GABRB1: variants seen among roughly 807,000 people sequenced by gnomAD.
The protein encoded by GABRB1 is gamma-aminobutyric acid receptor subunit beta-1.
A neutral mutation model predicts 51.6 loss-of-function variants in GABRB1; 17 were observed. That is an observed-to-expected ratio of 0.33 (90% CI 0.23 to 0.49). The LOEUF (loss-of-function observed/expected upper bound fraction) is 0.49. GABRB1 is among the 20% of genes least tolerant of loss of function. The pLI, the probability that GABRB1 is intolerant of heterozygous loss-of-function variation, is 0.99. For missense variants in GABRB1, 410 were observed against 600.6 expected (o/e 0.68, Z 3.32); for synonymous variants, 247 against 218.9 (o/e 1.13, Z -1.14).
At chr4:47,422,358 TC>T (rs1018798053) in intron 8 of GABRB1, among the ~76,000 whole-genome samples, 1 of 152,170 alleles carries the variant, frequency 6.6e-6, no homozygotes, top group African/African-American at 2.4e-5. Context: ...TTTCTTTTCT[TC>T]CTTTGACCTG....
At chr4:47,195,937 C>T (rs1719666239) in intron 4 of GABRB1, among the ~76,000 whole-genome samples, 1 of 152,192 alleles carries the variant, frequency 6.6e-6, no homozygotes, top group Non-Finnish European at 1.5e-5. Flanking sequence ...AACACTGTTT[C>T]TGTGATATAG....
chr4:47,004,110 T>C (rs1724311835), intron 1 of GABRB1, among the ~76,000 whole-genome samples: 1 of 152,090 alleles, frequency 6.6e-6, no homozygotes, highest in South Asian at 2.1e-4. Context: ...TGCCTCAGCC[T>C]CCCGAGTAGC....
intron 3 of GABRB1, among the ~76,000 whole-genome samples, chr4:47,033,660 G>A (rs1045367600): frequency 3.3e-5 from 5 of 151,990 alleles, no homozygotes; most frequent in African/African-American, 1.2e-4. Flanking sequence ...TATGGTTTAA[G>A]AATTCTTTTC....
chr4:47,297,283 G>C (rs1490976278), intron 4 of GABRB1, among the ~76,000 whole-genome samples: 1 of 79,360 alleles, frequency 1.3e-5, no homozygotes, highest in Non-Finnish European at 2.4e-5. Flanking sequence ...AGGAAATAGA[G>C]ACACAAAAAC....
rs3213919 is a variant in GABRB1, at chr4:47,095,348, A to G, written c.240+62864A>G. Among the ~76,000 whole-genome samples, 203 of 152,154 alleles carry G rather than the reference A, an allele frequency of 1.3e-3. 5 individuals carry two copies. In the East Asian group the frequency reaches 0.037, roughly 28 times the overall value. On this transcript the variant is annotated intron_variant, in intron 3 of 8. Transcript: ENST00000295454. ...AAGAGCAACAGTAGTCTGTGGGTGC[A>G]GCAATACGTGAATGATACTGCAGTG...
At chr4:47,407,021 A>C (rs1191078454) in intron 8 of GABRB1, 95 bp downstream of exon 8, 2 of 1,204,738 alleles carry the variant, frequency 1.7e-6, no homozygotes, top group Non-Finnish European at 2.3e-6. Flanking sequence ...TAATAAAAAA[A>C]TAGTTGATAT....
intron 5 of GABRB1, among the ~76,000 whole-genome samples, chr4:47,361,878 G>A (rs962563567): frequency 6.6e-6 from 1 of 152,088 alleles, no homozygotes; most frequent in South Asian, 2.1e-4. Flanking sequence ...TTGTCAAGTG[G>A]GCAGTGAGGC....
chr4:47,340,549 C>A (rs947321138), intron 5 of GABRB1, among the ~76,000 whole-genome samples: 1 of 152,112 alleles, frequency 6.6e-6, no homozygotes, highest in African/African-American at 2.4e-5. Flanking sequence ...CACAGACAGG[C>A]ATCTTTTCAC....
intron 8 of GABRB1, among the ~76,000 whole-genome samples, chr4:47,419,590 A>G (rs1578159461): frequency 6.6e-6 from 1 of 152,330 alleles, no homozygotes; most frequent in East Asian, 1.9e-4. Context: ...CTGTAACATC[A>G]AGAGGCTTTA....
intron 8 of GABRB1, among the ~76,000 whole-genome samples, chr4:47,425,332 T>C (rs1160319615): frequency 6.6e-6 from 1 of 151,432 alleles, no homozygotes; most frequent in East Asian, 1.9e-4. Flanking sequence ...TATTTTGTGT[T>C]TCTAGCTTTG....
At chr4:47,376,368 C>G (rs959859531) in intron 5 of GABRB1, among the ~76,000 whole-genome samples, 4 of 152,188 alleles carry the variant, frequency 2.6e-5, no homozygotes, top group Admixed American at 2.0e-4. Flanking sequence ...ATAGATGGGC[C>G]GGGCGCAGTG....
chr4:47,273,171 G>T (rs1015323553), intron 4 of GABRB1, among the ~76,000 whole-genome samples: 1 of 152,120 alleles, frequency 6.6e-6, no homozygotes, highest in African/African-American at 2.4e-5. Context: ...TAATTTCTGT[G>T]CTGTATTCTT....
chr4:47,082,632 C>T (rs1727896199), intron 3 of GABRB1, among the ~76,000 whole-genome samples: 1 of 152,042 alleles, frequency 6.6e-6, no homozygotes, highest in African/African-American at 2.4e-5. Flanking sequence ...TCTATGGTCT[C>T]ACAAATCTCC....
At chr4:47,178,371 G>C (rs1718790242) in intron 4 of GABRB1, among the ~76,000 whole-genome samples, 1 of 152,078 alleles carries the variant, frequency 6.6e-6, no homozygotes, top group South Asian at 2.1e-4. Context: ...GGTCCTTATA[G>C]AATCCTTTGC....
rs113712076 is a variant in GABRB1, at chr4:47,233,574, G to T, written c.461+72105G>T. Among the ~76,000 whole-genome samples the T allele has an allele frequency of 1.5e-3, 226 of 152,186 alleles. 1 individual carries two copies. The highest frequency in any genetic ancestry group is 5.1e-3 in the African/African-American group (212 of 41,544). On this transcript the variant is annotated intron_variant, in intron 4 of 8. Transcript: ENST00000295454. Reference sequence around the variant, plus strand: ...GTATTTTGTTATTATTTGAAGAATGGTTAGTTGCTCCTAATTCAAGCTTTT... The same window carrying T: ...GTATTTTGTTATTATTTGAAGAATGTTTAGTTGCTCCTAATTCAAGCTTTT...
chr4:47,414,878 C>A (rs1578156316), intron 8 of GABRB1, among the ~76,000 whole-genome samples: 1 of 152,220 alleles, frequency 6.6e-6, no homozygotes, highest in African/African-American at 2.4e-5. Context: ...AGCTCCCTAT[C>A]TGTCAGCCTT....
At chr4:47,417,525 G>C (rs1434294002) in intron 8 of GABRB1, among the ~76,000 whole-genome samples, 2 of 151,934 alleles carry the variant, frequency 1.3e-5, no homozygotes, top group Non-Finnish European at 2.9e-5. Context: ...GCAAATGACT[G>C]ACAGCAACAG....
intron 5 of GABRB1, among the ~76,000 whole-genome samples, chr4:47,330,535 C>T (rs1386084251): frequency 6.6e-6 from 1 of 152,130 alleles, no homozygotes; most frequent in Non-Finnish European, 1.5e-5. Flanking sequence ...CAATGAGCAG[C>T]AGTGTTCATT....
At chr4:47,274,545 G>A (rs1723008573) in intron 4 of GABRB1, among the ~76,000 whole-genome samples, 2 of 151,944 alleles carry the variant, frequency 1.3e-5, no homozygotes, top group South Asian at 4.1e-4. Flanking sequence ...ATTCCATGTT[G>A]CCTAGATAGG....
Sources: gnomAD v4.1 joint callset for allele counts (sites outside exome capture counted in the v4.1 genomes callset) on GRCh38, gnomAD v4.1.1 for gene constraint, MANE v1.5 for transcripts, NCBI Gene and HGNC (gene_info 2026-07-23, HGNC 2026-07-21) for gene names.